The following DAPK2 variants were observed in gnomAD, a reference collection of about 807,000 sequenced individuals.
DAPK2 encodes death associated protein kinase 2, also known as death-associated protein kinase 2.
Under a neutral mutation model 44.1 loss-of-function variants are expected in DAPK2, and 35 were observed. The ratio of observed to expected loss-of-function variants is 0.79; its 90% CI spans 0.61 to 1.05. The LOEUF is 1.05. DAPK2 is among the 50% of genes least tolerant of loss of function. The pLI, the probability that DAPK2 is intolerant of heterozygous loss-of-function variation, is 0.00. For missense variants in DAPK2, 453 were observed against 483.2 expected (o/e 0.94, Z 0.59); for synonymous variants, 174 against 182.6 (o/e 0.95, Z 0.38).
chr15:63,973,152 A>G (rs1269413232), intron 2 of DAPK2, among the ~76,000 whole-genome samples: 1 of 152,200 alleles, frequency 6.6e-6, no homozygotes, highest in Admixed American at 6.5e-5. Context: ...CTCTGTTGCC[A>G]TACTCCTCAG....
intron 1 of DAPK2, among the ~76,000 whole-genome samples, chr15:64,039,244 G>A (rs1395353204): frequency 6.6e-6 from 1 of 152,236 alleles, no homozygotes; most frequent in Non-Finnish European, 1.5e-5. Context: ...AAATTCCCAT[G>A]TTTTCATGCT....
chr15:64,028,539 T>G (rs1405520848), intron 1 of DAPK2, among the ~76,000 whole-genome samples: 2 of 152,128 alleles, frequency 1.3e-5, no homozygotes, highest in East Asian at 1.9e-4. Flanking sequence ...ATAAGAAAAT[T>G]GACAAAATTA....
At chr15:63,965,868 C>T (rs1384859621) in intron 3 of DAPK2, among the ~76,000 whole-genome samples, 1 of 151,980 alleles carries the variant, frequency 6.6e-6, no homozygotes, top group East Asian at 1.9e-4. Context: ...CCCCTTTGGC[C>T]CAGGGTAGGT....
chr15:63,951,007 C>G (rs2077571750), intron 3 of DAPK2, among the ~76,000 whole-genome samples: 1 of 152,204 alleles, frequency 6.6e-6, no homozygotes, highest in Non-Finnish European at 1.5e-5. Context: ...TTTGGAATAT[C>G]TTACTCAAGG....
At position 63,908,462 on chromosome 15, in the gene DAPK2, A is replaced by C; in HGVS notation, c.*58T>G. On this transcript the variant is annotated 3_prime_UTR_variant, in exon 11 of 11. Transcript: ENST00000261891. This position sits in a 1 kb window ranked among gnomAD's most constrained non-coding sequence, Gnocchi z 5.7. ...TGCTGAGCTGGGTCCAAAAGTCTGC[A>C]CAGAAGGGAGCCCCGCTGGGCCCAG... 1 of 1,269,956 alleles carries C rather than the reference A, an allele frequency of 7.9e-7. No individual in the cohort carries two copies. The highest frequency in any genetic ancestry group is 2.0e-4 in the Middle Eastern group (1 of 4,986). 78.7% of individuals were successfully genotyped at this position (1,269,956 alleles called of 1,614,324 possible).
At chr15:63,979,992 T>C (rs1354276949) in intron 2 of DAPK2, among the ~76,000 whole-genome samples, 1 of 152,122 alleles carries the variant, frequency 6.6e-6, no homozygotes, top group Non-Finnish European at 1.5e-5. Context: ...AACCTGGCCA[T>C]ACATGGGTTA....
Position 63,912,156 on chromosome 15 carries a change from C to T in DAPK2, c.900G>A (p.Val300=). The T allele has an allele frequency of 6.2e-7, 1 of 1,614,038 alleles. No individual in the cohort carries two copies. The highest frequency in any genetic ancestry group is 8.5e-7 in the Non-Finnish European group (1 of 1,180,010). The change falls in exon 9 of 11, where the codon GTG becomes GTA. Residue 300 remains valine (V), a synonymous_variant. Transcript: ENST00000261891. This position sits in a 1 kb window ranked among gnomAD's most constrained non-coding sequence, Gnocchi z 4.4. ...GCTTCCTGAAGTTCTCCAGATTGAC[C>T]ACAGACTCCCTGCGCACCATGGCTT...
intron 1 of DAPK2, among the ~76,000 whole-genome samples, chr15:64,008,084 TTGA>T (rs144020467): frequency 0.03 from 4,641 of 152,224 alleles, 103 homozygotes; most frequent in South Asian, 0.091. Context: ...TGTTCTAAAA[TTGA>T]TGATGATGAT....
rs2077258005 is a variant in DAPK2 at position 63,939,708 on chromosome 15, A to ACTT, written c.454-350_454-348dup. Among the ~76,000 whole-genome samples, 1 of 152,200 alleles carries ACTT rather than the reference A, an allele frequency of 6.6e-6. No individual in the cohort carries two copies. The highest frequency in any genetic ancestry group is 6.5e-5 in the Admixed American group (1 of 15,284). Reference sequence around the variant, plus strand: ...ATCTGTCAAATGGGGCCAATGAGATACTTGCAGCATTTCCTGTAAACAAAC... The same window carrying ACTT: ...ATCTGTCAAATGGGGCCAATGAGATACTTCTTGCAGCATTTCCTGTAAACAAAC... On this transcript the variant is annotated intron_variant, in intron 3 of 10. Transcript: ENST00000261891. This position sits in a 1 kb window ranked among gnomAD's most constrained non-coding sequence, Gnocchi z 4.3.
At chr15:63,969,642 A>G (rs1211144095) in intron 3 of DAPK2, among the ~76,000 whole-genome samples, 1 of 151,868 alleles carries the variant, frequency 6.6e-6, no homozygotes, top group Non-Finnish European at 1.5e-5. Context: ...TCAGGAGGCT[A>G]AGGCAAGTGG....
chr15:63,955,229 G>T (rs2077691322), intron 3 of DAPK2, among the ~76,000 whole-genome samples: 1 of 152,196 alleles, frequency 6.6e-6, no homozygotes, highest in African/African-American at 2.4e-5. Context: ...TTGTGTTACA[G>T]ATTTTAGAGG....
At chr15:63,936,627 A>G (rs1276045350) in intron 4 of DAPK2, among the ~76,000 whole-genome samples, 1 of 151,902 alleles carries the variant, frequency 6.6e-6, no homozygotes, top group Non-Finnish European at 1.5e-5. Context: ...ATAAAAATAA[A>G]GATTTCTCTT....
chr15:63,972,428 T>C (rs562105402), intron 2 of DAPK2, among the ~76,000 whole-genome samples: 6 of 152,318 alleles, frequency 3.9e-5, no homozygotes, highest in Non-Finnish European at 5.9e-5. Flanking sequence ...GAGGAGATTC[T>C]CAATCTTCTT....
chr15:63,918,382 G>A (rs1276662592), intron 8 of DAPK2: 1 of 152,366 alleles, frequency 6.6e-6, no homozygotes, highest in Non-Finnish European at 1.5e-5. Flanking sequence ...GTCAGGCAAT[G>A]CTAGGCTGTG....
At chr15:64,037,337 CCCTTCAGTTCTCAAATGAACAGTCACTT>C (rs2080238408) in intron 1 of DAPK2, among the ~76,000 whole-genome samples, 1 of 152,356 alleles carries the variant, frequency 6.6e-6, no homozygotes, top group African/African-American at 2.4e-5. Context: ...TTTGCATTTA[CCCTTCAGTTCTCAAATGAACAGTCACTT>C]CCTCAGAGCA....
At chr15:63,925,175 C>A (rs2079205984) in intron 7 of DAPK2, among the ~76,000 whole-genome samples, 1 of 152,214 alleles carries the variant, frequency 6.6e-6, no homozygotes, top group African/African-American at 2.4e-5. Context: ...AAAGCCAACT[C>A]TCCATTGCTA....
At chr15:64,007,927 C>A (rs899422005) in intron 1 of DAPK2, among the ~76,000 whole-genome samples, 1 of 152,136 alleles carries the variant, frequency 6.6e-6, no homozygotes, top group Non-Finnish European at 1.5e-5. Context: ...CACAAAGGAC[C>A]GCATGTTGTA....
chr15:64,046,188 G>T lies in DAPK2; in HGVS notation c.-7+110C>A. On this transcript the variant is annotated intron_variant, in intron 1 of 11. Coordinates refer to the DAPK2 transcript ENST00000457488. The surrounding 1 kb of genome is among the most constrained non-coding windows in gnomAD (Gnocchi z 5.3). Reference sequence around the variant, plus strand: ...TTGGGGCGGCGGGCCCGGGATCTGCGAGCGAGTGCCCCGGATCTCTTCGCC... The same window carrying T: ...TTGGGGCGGCGGGCCCGGGATCTGCTAGCGAGTGCCCCGGATCTCTTCGCC... 2.8e-6 allele frequency: 1 copy of T among 355,904 alleles called. No individual in the cohort carries two copies. The highest frequency in any genetic ancestry group is 3.9e-6 in the Non-Finnish European group (1 of 253,922). 22.0% of individuals were successfully genotyped at this position (355,904 alleles called of 1,614,324 possible).
chr15:64,011,169 T>C (rs2079379841), intron 1 of DAPK2, among the ~76,000 whole-genome samples: 2 of 152,154 alleles, frequency 1.3e-5, no homozygotes, highest in African/African-American at 4.8e-5. Context: ...AGGTGGAGGA[T>C]TGGCTGTGCT....
Sources: gnomAD v4.1 joint callset for allele counts (sites outside exome capture counted in the v4.1 genomes callset) on GRCh38, gnomAD v4.1.1 for gene constraint, Gnocchi (gnomAD v3.1) non-coding constraint, MANE v1.5 for transcripts, NCBI Gene and HGNC (gene_info 2026-07-23, HGNC 2026-07-21) for gene names.